Variants in WASF1 observed in about 807,000 individuals in gnomAD.
The protein encoded by WASF1 is WASP family member 1, also known as actin-binding protein WASF1.
Under a neutral mutation model 50.5 loss-of-function variants are expected in WASF1, and 7 were observed. The ratio of observed to expected loss-of-function variants is 0.14; its 90% CI spans 0.08 to 0.26. WASF1 has a LOEUF of 0.26. Ranked by LOEUF, WASF1 falls within the 10% of genes least tolerant of loss-of-function variation. WASF1 has a pLI of 1.00. For missense variants in WASF1, 470 were observed against 694.7 expected (o/e 0.68, Z 3.64); for synonymous variants, 205 against 244.0 (o/e 0.84, Z 1.49).
chr6:110,165,998 C>A (rs1188795858), intron 2 of WASF1, among the ~76,000 whole-genome samples: 1 of 151,428 alleles, frequency 6.6e-6, no homozygotes, highest in Non-Finnish European at 1.5e-5. Context: ...TGTAAAAGGA[C>A]AAGGGGTAAA....
At chr6:110,165,926 A>G (rs1432102871) in intron 2 of WASF1, among the ~76,000 whole-genome samples, 3 of 151,796 alleles carry the variant, frequency 2.0e-5, no homozygotes, top group Non-Finnish European at 4.4e-5. Context: ...TCCTGGCAAG[A>G]TGCATGAATT....
At chr6:110,170,761 C>T (rs1164745041) in intron 2 of WASF1, among the ~76,000 whole-genome samples, 2 of 151,766 alleles carry the variant, frequency 1.3e-5, no homozygotes, top group African/African-American at 2.4e-5. Flanking sequence ...GAAAGATATA[C>T]CATGCTAACA....
In WASF1 at chr6:110,129,857, C is replaced by A. The variant is rs192632632; in HGVS notation, c.-28-2228G>T. 3.5e-4 allele frequency among the ~76,000 whole-genome samples: 53 copies of A among 152,204 alleles called. 1 individual carries two copies. The highest frequency in any genetic ancestry group is 3.1e-3 in the Admixed American group (47 of 15,292). On this transcript the variant is annotated intron_variant, in intron 3 of 10. Transcript: ENST00000392589. Reference sequence around the variant, plus strand: ...AATAGAAGAGGTTTTACTGTCTTGACAAAAATTTTTAAAGAGCGTACGTTA... The same window carrying A: ...AATAGAAGAGGTTTTACTGTCTTGAAAAAAATTTTTAAAGAGCGTACGTTA...
chr6:110,177,149 T>C (rs926662572), intron 2 of WASF1: 3 of 152,046 alleles, frequency 2.0e-5, no homozygotes, highest in Admixed American at 2.0e-4. Context: ...TAGCATACCT[T>C]ATAAATGATC....
intron 3 of WASF1, among the ~76,000 whole-genome samples, chr6:110,139,299 C>T (rs879534700): frequency 7.9e-5 from 12 of 152,208 alleles, no homozygotes; most frequent in Non-Finnish European, 8.8e-5. Context: ...GACCACAGCC[C>T]GTGGCTGGGT....
At chr6:110,133,024 T>G (rs1034014464) in intron 3 of WASF1, among the ~76,000 whole-genome samples, 6 of 147,456 alleles carry the variant, frequency 4.1e-5, no homozygotes, top group Non-Finnish European at 9.0e-5. Flanking sequence ...AGAATGAAAA[T>G]AATGACATTC....
At chr6:110,110,639 T>C (rs552823649) in intron 5 of WASF1, among the ~76,000 whole-genome samples, 21 of 152,322 alleles carry the variant, frequency 1.4e-4, no homozygotes, top group African/African-American at 5.0e-4. Flanking sequence ...ATTAATAAAA[T>C]AGAATTATAA....
intron 3 of WASF1, among the ~76,000 whole-genome samples, chr6:110,136,761 T>C (rs1276193872): frequency 1.3e-5 from 2 of 152,240 alleles, no homozygotes; most frequent in African/African-American, 4.8e-5. Flanking sequence ...TATTTTTCTT[T>C]AACTTAGTTT....
At chr6:110,107,965 C>T (rs1312273006) in intron 6 of WASF1, among the ~76,000 whole-genome samples, 1 of 151,686 alleles carries the variant, frequency 6.6e-6, no homozygotes, top group Non-Finnish European at 1.5e-5. Flanking sequence ...AGATCGAGAC[C>T]ATCCTGGCTA....
At chr6:110,124,850 T>C (rs1237165493) in intron 4 of WASF1, among the ~76,000 whole-genome samples, 2 of 151,986 alleles carry the variant, frequency 1.3e-5, no homozygotes, top group African/African-American at 4.8e-5. Context: ...GTGGAGTTTG[T>C]AGTGAGCCAA....
At chr6:110,159,383 T>C (rs567162838) in intron 3 of WASF1, among the ~76,000 whole-genome samples, 5 of 152,022 alleles carry the variant, frequency 3.3e-5, no homozygotes, top group South Asian at 2.1e-4. Flanking sequence ...GTGAGAACCA[T>C]TGATGTAGGG....
intron 3 of WASF1, among the ~76,000 whole-genome samples, chr6:110,129,897 T>C (rs997679534): frequency 3.9e-5 from 6 of 152,216 alleles, no homozygotes; most frequent in Non-Finnish European, 7.3e-5. Flanking sequence ...ACTGTAATTT[T>C]CCCCATTTTT....
chr6:110,127,994 T>C (rs1421472133), intron 3 of WASF1, among the ~76,000 whole-genome samples: 1 of 152,154 alleles, frequency 6.6e-6, no homozygotes, highest in Admixed American at 6.5e-5. Context: ...TAAACAACAC[T>C]TTATGTTCTC....
In WASF1 at chr6:110,178,615, CAATT is replaced by C. The variant is rs1211594481; in HGVS notation, c.-148_-145del. On this transcript the variant is annotated 5_prime_UTR_variant, in exon 2 of 11. An upstream open reading frame in the 5' UTR loses its in-frame stop. Transcript: ENST00000392589. ...TTAAGTACCTAGTCTAGCTGGGGAT[CAATT>C]AATTAATCGGTTATAGGGCAGGACG... is the stretch of plus-strand genomic sequence containing the variant. 6.6e-6 allele frequency: 1 copy of C among 152,552 alleles called. No individual in the cohort carries two copies. The highest frequency in any genetic ancestry group is 6.5e-5 in the Admixed American group (1 of 15,270). 9.4% of individuals were successfully genotyped at this position (152,552 alleles called of 1,614,324 possible).
intron 4 of WASF1, among the ~76,000 whole-genome samples, chr6:110,124,596 G>C (rs1774339335): frequency 6.6e-6 from 1 of 151,878 alleles, no homozygotes; most frequent in Non-Finnish European, 1.5e-5. Flanking sequence ...TGTTCTACTA[G>C]GAAAAATCTC....
At chr6:110,155,718 C>A (rs1446508380) in intron 3 of WASF1, among the ~76,000 whole-genome samples, 1 of 55,966 alleles carries the variant, frequency 1.8e-5, no homozygotes, top group African/African-American at 7.6e-5. Flanking sequence ...CCGACCCCAC[C>A]ACAGTCCCCA....
chr6:110,145,066 C>G (rs915463879), intron 3 of WASF1, among the ~76,000 whole-genome samples: 3 of 152,094 alleles, frequency 2.0e-5, no homozygotes, highest in African/African-American at 4.8e-5. Context: ...GCCATTTTCA[C>G]GAAACTGTTT....
intron 4 of WASF1, among the ~76,000 whole-genome samples, chr6:110,124,258 CTCTCTCTCTCTCTCTCTATATA>C (rs1774301953): frequency 1.7e-5 from 1 of 57,534 alleles, no homozygotes; most frequent in African/African-American, 8.7e-5. Context: ...CTCTCTCTCT[CTCTCTCTCTCTCTCTCTATATA>C]TATATATATA....
At chr6:110,145,567 G>C (rs1775516777) in intron 3 of WASF1, among the ~76,000 whole-genome samples, 1 of 152,104 alleles carries the variant, frequency 6.6e-6, no homozygotes, top group Non-Finnish European at 1.5e-5. Context: ...TCCAGTTTTT[G>C]TCCATTCAGT....
Sources: allele counts gnomAD v4.1 joint callset (sites outside exome capture counted in the v4.1 genomes callset), GRCh38; gene constraint gnomAD v4.1.1; transcripts MANE v1.5; gene names NCBI Gene and HGNC (gene_info 2026-07-23, HGNC 2026-07-21).